HVCN1: variants seen among roughly 807,000 people sequenced by gnomAD.
The protein encoded by HVCN1 is voltage-gated hydrogen channel 1.
A neutral mutation model predicts 29.2 loss-of-function variants in HVCN1; 14 were observed. That is an observed-to-expected ratio of 0.48 (90% CI 0.32 to 0.75). HVCN1 has a LOEUF of 0.75. Ranked by LOEUF, HVCN1 falls within the 30% of genes least tolerant of loss-of-function variation. HVCN1 has a pLI of 0.04. For missense variants in HVCN1, 263 were observed against 341.8 expected, an observed-to-expected ratio of 0.77 and a Z score of 1.82; for synonymous variants, 131 against 133.2, an observed-to-expected ratio of 0.98 and a Z score of 0.11.
intron 2 of HVCN1, among the ~76,000 whole-genome samples, chr12:110,697,649 CTTTT>C (rs570801385): frequency 6.0e-5 from 8 of 134,218 alleles, no homozygotes; most frequent in East Asian, 2.1e-4. Flanking sequence ...CGCGAAGCAT[CTTTT>C]TTTTTTTTTT....
At chr12:110,649,620 T>C in intron 7 of HVCN1, 145 bp from the exon 8 acceptor site, 1 of 673,884 alleles carries the variant, frequency 1.5e-6, no homozygotes, top group Non-Finnish European at 2.7e-6. Flanking sequence ...CTGAGGAGAC[T>C]GCTACAATCA....
rs551332284 is a variant in HVCN1, at chr12:110,655,257, C to T, written c.388G>A (p.Asp130Asn). Reference protein sequence around the residue: ...LILDLKIIQPDKNNYAAMVFH... With the variant: ...LILDLKIIQPNKNNYAAMVFH... ...ACCATGGCAGCATAGTTATTCTTGT[C>T]GGGCTGGATGATCTTCAGGTCCAGG... is the stretch of plus-strand genomic sequence containing the variant. Residue 130 changes from aspartate to asparagine, a missense_variant, in exon 5 of 8, where the codon GAC (aspartate) becomes AAC (asparagine). By Grantham distance (23) the Asp-to-Asn change is conservative. Coordinates refer to ENST00000242607, the MANE Select transcript of HVCN1 (RefSeq NM_032369.4). The T allele has an allele frequency of 5.6e-5, 90 of 1,613,478 alleles. No homozygotes were observed. Among genetic ancestry groups the T allele is most frequent in the South Asian group, 2.6e-4 (24 of 91,040 alleles).
chr12:110,673,645 C>G (rs1226351357), intron 3 of HVCN1, among the ~76,000 whole-genome samples: 1 of 152,148 alleles, frequency 6.6e-6, no homozygotes, highest in Non-Finnish European at 1.5e-5. Context: ...TGCCCTGTGT[C>G]CAGCTGCTCC....
intron 2 of HVCN1, among the ~76,000 whole-genome samples, chr12:110,701,283 C>T (rs977214097): frequency 6.6e-6 from 1 of 152,194 alleles, no homozygotes; most frequent in Non-Finnish European, 1.5e-5. Context: ...CTGGGGAACA[C>T]CTGTGTGTTT....
At chr12:110,668,938 C>T (rs2068471039) in intron 3 of HVCN1, among the ~76,000 whole-genome samples, 2 of 152,098 alleles carry the variant, frequency 1.3e-5, no homozygotes, top group Admixed American at 1.3e-4. Flanking sequence ...GTACCATGTC[C>T]CTGCCCCATA....
chr12:110,695,152 C>T (rs921423556), intron 2 of HVCN1, among the ~76,000 whole-genome samples: 2 of 152,108 alleles, frequency 1.3e-5, no homozygotes, highest in Non-Finnish European at 2.9e-5. Flanking sequence ...CTCACGCCTG[C>T]AATCCCAGCA....
intron 6 of HVCN1, among the ~76,000 whole-genome samples, chr12:110,650,786 T>C (rs959245625): frequency 9.9e-5 from 15 of 151,040 alleles, no homozygotes; most frequent in African/African-American, 3.4e-4. Context: ...CTCCAAATCC[T>C]GGGCTCAAGC....
At position 110,655,061 on chromosome 12, in the gene HVCN1, C is replaced by T. The variant is rs1593440091; in HGVS notation, c.411+173G>A. 2.0e-5 allele frequency among the ~76,000 whole-genome samples: 3 copies of T among 152,162 alleles called. No homozygotes were observed. The South Asian group carries it at 6.2e-4, about 32-fold the overall frequency. On this transcript the variant is annotated intron_variant, in intron 5 of 7. Coordinates refer to ENST00000242607, the MANE Select transcript of HVCN1 (RefSeq NM_032369.4). ...CCATCATGTGAAACAACGTTTCCTG[C>T]TTGTAGTAAATGCTAATCCATATTC...
intron 3 of HVCN1, among the ~76,000 whole-genome samples, chr12:110,678,740 C>T (rs1444835686): frequency 6.6e-6 from 1 of 152,198 alleles, no homozygotes; most frequent in Non-Finnish European, 1.5e-5. Flanking sequence ...GTGTGAGCCA[C>T]TGCACCTAGC....
chr12:110,704,427 T>C (rs1157040859), intron 1 of HVCN1, among the ~76,000 whole-genome samples: 12 of 151,966 alleles, frequency 7.9e-5, no homozygotes, highest in Non-Finnish European at 1.5e-5. Context: ...TGCGGGCAGA[T>C]TGCTTAAGCC....
chr12:110,687,306 G>A (rs1249495342), intron 2 of HVCN1, among the ~76,000 whole-genome samples: 1 of 151,864 alleles, frequency 6.6e-6, no homozygotes, highest in African/African-American at 2.4e-5. Flanking sequence ...CAGAGTAAGG[G>A]GCCAGGGAGC....
intron 3 of HVCN1, among the ~76,000 whole-genome samples, chr12:110,662,260 G>A (rs974097493): frequency 6.6e-6 from 1 of 151,980 alleles, no homozygotes; most frequent in Non-Finnish European, 1.5e-5. Context: ...TCCCCACCTT[G>A]CCCCCCACAC....
At position 110,649,230 on chromosome 12, in the gene HVCN1, C is replaced by G; in HGVS notation, c.*180G>C. 2 of 672,660 alleles carry G rather than the reference C, an allele frequency of 3.0e-6. No individual in the cohort carries two copies. The allele number at this position is 672,660 out of a possible 1,614,324, so 41.7% of individuals were successfully genotyped here. On this transcript the variant is annotated 3_prime_UTR_variant, in exon 8 of 8. Transcript: ENST00000242607. ...GTGTGGGGTGGGAGTGGATGGGCAGCTCTTGGTGGTACTGGACCTTCCACA... is the reference window on the plus strand; with the variant it reads ...GTGTGGGGTGGGAGTGGATGGGCAGGTCTTGGTGGTACTGGACCTTCCACA...
At chr12:110,659,271 T>C (rs2136286703) in intron 4 of HVCN1, among the ~76,000 whole-genome samples, 1 of 151,946 alleles carries the variant, frequency 6.6e-6, no homozygotes, top group East Asian at 1.9e-4. Context: ...TTTCTCTGCT[T>C]CCAGAAGAGG....
chr12:110,669,084 C>A, intron 3 of HVCN1, among the ~76,000 whole-genome samples: 1 of 152,028 alleles, frequency 6.6e-6, no homozygotes, highest in East Asian at 1.9e-4. Flanking sequence ...CAAGATCCTG[C>A]TGGGTCATTG....
intron 1 of HVCN1, among the ~76,000 whole-genome samples, chr12:110,703,563 G>GA (rs1385280845): frequency 1.3e-5 from 2 of 151,152 alleles, no homozygotes; most frequent in East Asian, 4.0e-4. Flanking sequence ...TGCTAAGGCT[G>GA]AATGATAGGT....
intron 3 of HVCN1, among the ~76,000 whole-genome samples, chr12:110,680,082 T>C (rs923364933): frequency 1.4e-4 from 21 of 152,126 alleles, no homozygotes; most frequent in Non-Finnish European, 1.2e-4. Context: ...TTAAGACAAC[T>C]TTTTTCCAAA....
In HVCN1 at chr12:110,699,659, C is replaced by A. The variant is rs190319109; in HGVS notation, c.-104+2650G>T. On this transcript the variant is annotated intron_variant, in intron 2 of 4. Coordinates refer to the HVCN1 transcript ENST00000546713. ...ATGTGAGGCTGAAGAGTGAAATGGC[C>A]AGTGATGATGATAACGGGGAGATAA... Among the ~76,000 whole-genome samples the A allele has an allele frequency of 2.0e-5, 3 of 152,098 alleles. No individual in the cohort carries two copies. In the East Asian group the frequency reaches 5.8e-4, roughly 29 times the overall value.
chr12:110,658,953 G>A lies in HVCN1; in HGVS notation c.306+2211C>T, dbSNP rs2068075326. Among the ~76,000 whole-genome samples the A allele has an allele frequency of 6.6e-6, 1 of 152,228 alleles. No individual in the cohort carries two copies. Among genetic ancestry groups the A allele is most frequent in the South Asian group, 2.1e-4 (1 of 4,832 alleles). On this transcript the variant is annotated intron_variant, in intron 4 of 7. Transcript: ENST00000242607. This position sits in a 1 kb window ranked among gnomAD's most constrained non-coding sequence, Gnocchi z 5.0. ...CCAGCCCTAAGCCCAGGCAGGAGGG[G>A]GATATCCTGATGGGGCGGCCCAGGG... is the stretch of plus-strand genomic sequence containing the variant.
Sources: allele counts gnomAD v4.1 joint callset (sites outside exome capture counted in the v4.1 genomes callset), GRCh38; gene constraint gnomAD v4.1.1; non-coding constraint Gnocchi (gnomAD v3.1); transcripts MANE v1.5; gene names NCBI Gene and HGNC (gene_info 2026-07-23, HGNC 2026-07-21).